Variants in NTM observed in about 807,000 individuals in gnomAD.
NTM encodes IgLON family member 2.
NTM carries 13 observed loss-of-function variants against 42.1 expected under a neutral mutation model. The observed-to-expected ratio is 0.31, with a 90% CI of 0.20 to 0.49. The LOEUF (loss-of-function observed/expected upper bound fraction) is 0.49. Among genes scored for constraint, NTM ranks in the 20% least tolerant of loss-of-function variants. NTM has a pLI of 0.99. For missense variants in NTM, 373 were observed against 452.8 expected (o/e 0.82, Z 1.60); for synonymous variants, 187 against 179.2 (o/e 1.04, Z -0.35).
intron 1 of NTM, among the ~76,000 whole-genome samples, chr11:131,605,236 T>A (rs2324521): frequency 0.48 from 72,285 of 151,946 alleles, 17,824 homozygotes; most frequent in East Asian, 0.61. Context: ...CTTTCAGTAA[T>A]GTTTTATAGT....
At chr11:131,535,171 C>T (rs1312785379) in intron 1 of NTM, 1 of 152,200 alleles carries the variant, frequency 6.6e-6, no homozygotes, top group Non-Finnish European at 1.5e-5. Flanking sequence ...GATGGGCCCT[C>T]AGCAGAAGGA....
chr11:132,129,366 A>G (rs980490653), intron 2 of NTM, among the ~76,000 whole-genome samples: 4 of 152,186 alleles, frequency 2.6e-5, no homozygotes, highest in African/African-American at 7.2e-5. Flanking sequence ...CTCTGGCACT[A>G]TCCTCAGTAA....
chr11:132,219,033 T>C (rs546665743), intron 4 of NTM, among the ~76,000 whole-genome samples: 1 of 152,278 alleles, frequency 6.6e-6, no homozygotes, highest in African/African-American at 2.4e-5. Flanking sequence ...GTTTTCATGA[T>C]TTGGTTCTAG....
chr11:131,598,778 CTTTCTTCTTTCTTTCTTTCTT>C (rs1565685843), intron 1 of NTM, among the ~76,000 whole-genome samples: 21 of 64,358 alleles, frequency 3.3e-4, no homozygotes, highest in African/African-American at 9.7e-4. Flanking sequence ...TTCTTTCTTT[CTTTCTTCTTTCTTTCTTTCTT>C]TTTCTTTCTT....
intron 1 of NTM, among the ~76,000 whole-genome samples, chr11:131,810,282 G>T (rs1324749768): frequency 6.6e-6 from 1 of 152,154 alleles, no homozygotes; most frequent in Non-Finnish European, 1.5e-5. Flanking sequence ...ATGTTGCTCA[G>T]ATTCCCTCAT....
chr11:131,616,132 G>A (rs2061909106), intron 1 of NTM, among the ~76,000 whole-genome samples: 1 of 152,210 alleles, frequency 6.6e-6, no homozygotes, highest in Non-Finnish European at 1.5e-5. Flanking sequence ...TCATCAAGAG[G>A]TAGCAAATCA....
intron 2 of NTM, among the ~76,000 whole-genome samples, chr11:132,125,482 G>A: frequency 6.8e-6 from 1 of 147,598 alleles, no homozygotes; most frequent in South Asian, 2.3e-4. Context: ...TGTGTGATGT[G>A]TCTGTGATGC....
chr11:132,084,381 TATACTA>T (rs1422534365), intron 2 of NTM, among the ~76,000 whole-genome samples: 4 of 152,178 alleles, frequency 2.6e-5, no homozygotes, highest in Non-Finnish European at 5.9e-5. Context: ...TTTTGTGACA[TATACTA>T]ATATTATTTA....
intron 1 of NTM, among the ~76,000 whole-genome samples, chr11:131,621,636 C>CAAAAA (rs527788930): frequency 1.0e-5 from 1 of 98,996 alleles, no homozygotes. Flanking sequence ...CCTATCTTTA[C>CAAAAA]AAAAAAAAAA....
chr11:131,822,952 T>TCTTC (rs1021929857), intron 1 of NTM, among the ~76,000 whole-genome samples: 78 of 152,280 alleles, frequency 5.1e-4, no homozygotes, highest in African/African-American at 1.8e-3. Context: ...TTCCTTTCTT[T>TCTTC]CTTCCTTCCT....
intron 1 of NTM, among the ~76,000 whole-genome samples, chr11:131,847,707 A>G (rs549596861): frequency 1.3e-5 from 2 of 151,732 alleles, no homozygotes; most frequent in African/African-American, 4.8e-5. Context: ...AGAGCTCAGC[A>G]GTAGGGAAAT....
rs4992038 is a variant in NTM at position 131,508,779 on chromosome 11, G to T, written c.82+137891G>T. ...AAATCATCATTCTCAGTAAACTATC[G>T]CAAGAACAAAAAACCAAACACCGCA... On this transcript the variant is annotated intron_variant, in intron 1 of 8. Coordinates refer to ENST00000683400, the MANE Select transcript of NTM (RefSeq NM_001352005.2). Among the ~76,000 whole-genome samples the T allele has an allele frequency of 7.3e-4, 93 of 128,086 alleles. 1 individual carries two copies. In the East Asian group the frequency reaches 0.014, roughly 19 times the overall value. The allele number at this position is 128,086 out of a possible 152,430, so 84.0% of individuals were successfully genotyped here. A position where few individuals can be genotyped will look rare whatever the true frequency, so the allele number is the denominator to read the frequency against.
At chr11:132,269,909 T>C (rs1038650534) in intron 4 of NTM, among the ~76,000 whole-genome samples, 6 of 152,244 alleles carry the variant, frequency 3.9e-5, no homozygotes, top group Admixed American at 3.3e-4. Context: ...ACAAAGACTT[T>C]CAAACATTTT....
chr11:131,410,121 A>G (rs2135744507), intron 1 of NTM, among the ~76,000 whole-genome samples: 1 of 152,160 alleles, frequency 6.6e-6, no homozygotes, highest in African/African-American at 2.4e-5. Flanking sequence ...TCTCAGAGAA[A>G]ACGTCCTATT....
At chr11:131,411,074 A>C (rs1388412494) in intron 1 of NTM, among the ~76,000 whole-genome samples, 2 of 152,178 alleles carry the variant, frequency 1.3e-5, no homozygotes, top group African/African-American at 2.4e-5. Context: ...GTTCTGATGC[A>C]GTTTTGTCCC....
At chr11:131,589,044 C>T (rs1269290946) in intron 1 of NTM, among the ~76,000 whole-genome samples, 1 of 152,096 alleles carries the variant, frequency 6.6e-6, no homozygotes, top group African/African-American at 2.4e-5. Context: ...GGTTGGTCTT[C>T]GTCCTGTAGG....
intron 2 of NTM, among the ~76,000 whole-genome samples, chr11:132,131,747 G>A (rs1014130452): frequency 1.1e-4 from 17 of 152,214 alleles, no homozygotes; most frequent in Non-Finnish European, 1.8e-4. Context: ...TTCTCAAACA[G>A]ATTTGTTAGA....
chr11:131,834,487 G>T (rs561067448), intron 1 of NTM, among the ~76,000 whole-genome samples: 1 of 151,804 alleles, frequency 6.6e-6, no homozygotes, highest in African/African-American at 2.4e-5. Context: ...ATCTGACGAC[G>T]TGGAGCTTCT....
chr11:132,192,233 G>C (rs2079428002), intron 3 of NTM, among the ~76,000 whole-genome samples: 1 of 152,026 alleles, frequency 6.6e-6, no homozygotes, highest in African/African-American at 2.4e-5. Context: ...CAAGGTCAAA[G>C]TGAAAGAAAA....
Sources: allele counts gnomAD v4.1 joint callset (sites outside exome capture counted in the v4.1 genomes callset), GRCh38; gene constraint gnomAD v4.1.1; transcripts MANE v1.5; gene names NCBI Gene and HGNC (gene_info 2026-07-23, HGNC 2026-07-21).